Variants in RGS7 observed in about 807,000 individuals in gnomAD.
The protein encoded by RGS7 is regulator of G protein signaling 7, also known as regulator of G-protein signaling 7.
A neutral mutation model predicts 81.1 loss-of-function variants in RGS7; 27 were observed. That is an observed-to-expected ratio of 0.33 (90% CI 0.25 to 0.46). The LOEUF is 0.46. RGS7 is among the 20% of genes least tolerant of loss of function. The pLI is 1.00. For synonymous variants in RGS7, 208 were observed against 207.7 expected, an observed-to-expected ratio of 1.00 and a Z score of -0.01; for missense variants, 396 against 607.4, an observed-to-expected ratio of 0.65 and a Z score of 3.66.
intron 10 of RGS7, chr1:240,822,977 C>A (rs1692078837): frequency 3.8e-6 from 2 of 527,406 alleles, no homozygotes; most frequent in South Asian, 4.0e-5. Flanking sequence ...TCATCAGGGG[C>A]TATTCATCAT....
At position 240,802,876 on chromosome 1, in the gene RGS7, G is replaced by GA. The variant is rs769444623; in HGVS notation, c.1359+27dup. On this transcript the variant is annotated intron_variant, in intron 16 of 18. Coordinates refer to ENST00000440928, the MANE Select transcript of RGS7 (RefSeq NM_001364886.1). ...TAATTATAACTGAGAACTAGGCCAA[G>GA]AAAAAACAACTCACAAAAAACCAGT... 2.1e-6 allele frequency: 3 copies of GA among 1,456,514 alleles called. No homozygotes were observed. The South Asian group carries it at 3.4e-5, about 17-fold the overall frequency. 90.2% of individuals were successfully genotyped at this position (1,456,514 alleles called of 1,614,324 possible). A position where few individuals can be genotyped will look rare whatever the true frequency, so the allele number is the denominator to read the frequency against.
intron 3 of RGS7, among the ~76,000 whole-genome samples, chr1:241,063,047 A>T (rs886703556): frequency 2.6e-5 from 4 of 152,154 alleles, no homozygotes; most frequent in African/African-American, 9.7e-5. Flanking sequence ...TGAGGTGTTC[A>T]TTTCAACCCT....
At chr1:241,259,352 A>AGGAACAAAT (rs2077195401) in intron 2 of RGS7, among the ~76,000 whole-genome samples, 1 of 152,094 alleles carries the variant, frequency 6.6e-6, no homozygotes, top group Non-Finnish European at 1.5e-5. Context: ...GAACAAAATT[A>AGGAACAAAT]GGAACAAATT....
chr1:240,918,709 C>A (rs767613248), intron 6 of RGS7, among the ~76,000 whole-genome samples: 9 of 151,614 alleles, frequency 5.9e-5, no homozygotes, highest in Non-Finnish European at 1.3e-4. Flanking sequence ...TAAATCTAAG[C>A]CAAACAGAAG....
At chr1:241,118,540 G>A (rs1489971796) in intron 2 of RGS7, among the ~76,000 whole-genome samples, 1 of 151,972 alleles carries the variant, frequency 6.6e-6, no homozygotes, top group Non-Finnish European at 1.5e-5. Context: ...TCCTACTACT[G>A]GGTATTTACC....
intron 2 of RGS7, among the ~76,000 whole-genome samples, chr1:241,182,582 C>T (rs553784287): frequency 2.0e-4 from 30 of 152,102 alleles, no homozygotes; most frequent in African/African-American, 6.7e-4. Context: ...GAGTATTCAT[C>T]CCGTTCCTGA....
intron 2 of RGS7, among the ~76,000 whole-genome samples, chr1:241,247,962 G>C (rs944994112): frequency 1.2e-4 from 18 of 152,166 alleles, no homozygotes; most frequent in Non-Finnish European, 2.5e-4. Flanking sequence ...AGTGTTTCTT[G>C]AGTTTTCTGT....
At chr1:240,971,627 A>T (rs1217617147) in intron 4 of RGS7, among the ~76,000 whole-genome samples, 1 of 152,212 alleles carries the variant, frequency 6.6e-6, no homozygotes, top group African/African-American at 2.4e-5. Context: ...CACGTTTGCA[A>T]GATGAATGTT....
At chr1:240,777,547 C>T (rs1683183297) in intron 18 of RGS7, among the ~76,000 whole-genome samples, 1 of 152,190 alleles carries the variant, frequency 6.6e-6, no homozygotes, top group Admixed American at 6.5e-5. Context: ...GATACATCAT[C>T]ACTCATGGCC....
chr1:240,951,007 G>A (rs1002567024), intron 4 of RGS7, among the ~76,000 whole-genome samples: 1 of 150,808 alleles, frequency 6.6e-6, no homozygotes, highest in Admixed American at 6.6e-5. Context: ...TTGCAGCCTC[G>A]ACCTCCCAGG....
chr1:241,030,361 C>CATATATATATAT lies in RGS7; in HGVS notation c.176-47244_176-47233dup, dbSNP rs370562497. Among the ~76,000 whole-genome samples the CATATATATATAT allele has an allele frequency of 6.7e-3, 687 of 102,156 alleles. 37 individuals are homozygous for CATATATATATAT. The highest frequency in any genetic ancestry group is 0.019 in the African/African-American group (479 of 25,224). The allele number at this position is 102,156 out of a possible 152,430, so 67.0% of individuals were successfully genotyped here. ...GCTTTGTTTTTTCCAGAACTTATAG[C>CATATATATATAT]ATATATATATATACATACACACATA... On this transcript the variant is annotated intron_variant, in intron 3 of 18. Transcript: ENST00000440928.
At chr1:240,779,097 CTTTGTGTG>C (rs970549255) in intron 18 of RGS7, among the ~76,000 whole-genome samples, 1 of 100,548 alleles carries the variant, frequency 9.9e-6, no homozygotes, top group Non-Finnish European at 2.1e-5. Flanking sequence ...GATTAGTGTT[CTTTGTGTG>C]TGTGTGTGTG....
intron 9 of RGS7, among the ~76,000 whole-genome samples, chr1:240,847,764 A>G (rs1381943374): frequency 1.3e-5 from 2 of 152,218 alleles, no homozygotes; most frequent in Admixed American, 6.5e-5. Flanking sequence ...ATAGAAATCA[A>G]TAAGAAGCCT....
At chr1:241,126,882 T>A (rs1306163352) in intron 2 of RGS7, among the ~76,000 whole-genome samples, 1 of 151,918 alleles carries the variant, frequency 6.6e-6, no homozygotes. Context: ...CCTAGGCATA[T>A]AATTAAACCT....
chr1:241,088,320 A>G (rs2063601416), intron 3 of RGS7, among the ~76,000 whole-genome samples: 1 of 152,008 alleles, frequency 6.6e-6, no homozygotes, highest in Admixed American at 6.6e-5. Context: ...TTAAGGGTGA[A>G]GAGGATCAGA....
intron 2 of RGS7, among the ~76,000 whole-genome samples, chr1:241,351,438 T>A (rs2341693): frequency 6.6e-6 from 1 of 150,928 alleles, no homozygotes; most frequent in African/African-American, 2.4e-5. Context: ...AAAAAAAAAA[T>A]AGAATGGAGC....
At chr1:241,197,108 C>T (rs990385569) in intron 2 of RGS7, among the ~76,000 whole-genome samples, 1 of 151,122 alleles carries the variant, frequency 6.6e-6, no homozygotes, top group Non-Finnish European at 1.5e-5. Flanking sequence ...GGACTAAACA[C>T]TCCAATTAAA....
At chr1:240,943,021 T>C (rs1252978377) in intron 4 of RGS7, among the ~76,000 whole-genome samples, 1 of 152,212 alleles carries the variant, frequency 6.6e-6, no homozygotes, top group Non-Finnish European at 1.5e-5. Context: ...AAACATCATT[T>C]GCATGTAAGA....
chr1:240,917,520 A>G (rs114858583), intron 6 of RGS7, among the ~76,000 whole-genome samples: 2,776 of 152,300 alleles, frequency 0.018, 114 homozygotes, highest in African/African-American at 0.064. Context: ...GTTGCATTAC[A>G]TGTTAAGTGT....
Sources: allele counts gnomAD v4.1 joint callset (sites outside exome capture counted in the v4.1 genomes callset), GRCh38; gene constraint gnomAD v4.1.1; transcripts MANE v1.5; gene names NCBI Gene and HGNC (gene_info 2026-07-23, HGNC 2026-07-21).